Variants in TAMM41 observed in about 807,000 individuals in gnomAD.
The protein encoded by TAMM41 is phosphatidate cytidylyltransferase, mitochondrial.
In TAMM41, 36 loss-of-function variants were observed where a neutral mutation model predicts 44.1. That is an observed-to-expected ratio of 0.82 (90% CI 0.63 to 1.08). The LOEUF (loss-of-function observed/expected upper bound fraction) is 1.08. TAMM41 is among the 50% of genes least tolerant of loss of function. TAMM41 has a pLI of 0.00. For missense variants in TAMM41, 417 were observed against 404.3 expected (o/e 1.03, Z -0.27); for synonymous variants, 164 against 153.1 (o/e 1.07, Z -0.53).
Position 11,829,008 on chromosome 3 carries a change from T to C in TAMM41, c.562+706A>G, listed in dbSNP as rs146154940. The stretch of plus-strand genomic sequence containing the variant: ...TGAAATCTTAAACGGAACCTTACTA[T>C]AGTAAAAAGATAGATGGGGGCTCCT... On this transcript the variant is annotated intron_variant, in intron 4 of 7. Coordinates refer to ENST00000455809, the MANE Select transcript of TAMM41 (RefSeq NM_001284401.2). 4.9e-3 allele frequency among the ~76,000 whole-genome samples: 745 copies of C among 152,244 alleles called. 9 individuals are homozygous for C. The highest frequency in any genetic ancestry group is 7.2e-3 in the Non-Finnish European group (489 of 68,008).
At chr3:11,841,009 A>C (rs2125063192) in intron 2 of TAMM41, among the ~76,000 whole-genome samples, 1 of 152,212 alleles carries the variant, frequency 6.6e-6, no homozygotes, top group East Asian at 1.9e-4. Flanking sequence ...ATTACAAAGC[A>C]ATATCCAAAA....
At chr3:11,749,227 A>G in the TAMM41 span, among the ~76,000 whole-genome samples, 6 of 152,040 alleles carry the variant, frequency 3.9e-5, no homozygotes, top group African/African-American at 1.2e-4. Context: ...ATGGATTTTT[A>G]TTGCACTCGT....
the TAMM41 span, among the ~76,000 whole-genome samples, chr3:11,783,720 TG>T: frequency 6.6e-6 from 1 of 152,204 alleles, no homozygotes; most frequent in Non-Finnish European, 1.5e-5. Flanking sequence ...TGTGCTTAGC[TG>T]TGGTATGGTA....
chr3:11,809,513 G>C lies in TAMM41; in HGVS notation c.874+4C>G. 1 of 1,612,956 alleles carries C rather than the reference G, an allele frequency of 6.2e-7. No homozygotes were observed. The highest frequency in any genetic ancestry group is 2.2e-5 in the East Asian group (1 of 44,848). ...TTTCCTCAACATCAAATTCATAAAC[G>C]TACCTAGTCGCACCACATCTCCACA... On this transcript the variant is annotated splice_donor_region_variant and intron_variant, in intron 6 of 7. Transcript: ENST00000455809.
the TAMM41 span, among the ~76,000 whole-genome samples, chr3:11,775,111 C>T: frequency 2.0e-5 from 3 of 152,068 alleles, no homozygotes; most frequent in African/African-American, 4.8e-5. Flanking sequence ...TCGTGATCCA[C>T]CCCCTCAGCC....
At chr3:11,725,366 CTCCTCCTCCTCTTCCTCCTCCTTCTTT>C in the TAMM41 span, among the ~76,000 whole-genome samples, 1 of 140,472 alleles carries the variant, frequency 7.1e-6, no homozygotes, top group African/African-American at 2.7e-5. Context: ...TTTTCTTCTT[CTCCTCCTCCTCTTCCTCCTCCTTCTTT>C]TTCTTCTTCC....
the TAMM41 span, among the ~76,000 whole-genome samples, chr3:11,731,726 A>G: frequency 6.6e-6 from 1 of 152,138 alleles, no homozygotes; most frequent in Non-Finnish European, 1.5e-5. Flanking sequence ...GGCAGTGGAT[A>G]ATGTCATTTC....
the TAMM41 span, among the ~76,000 whole-genome samples, chr3:11,736,592 G>A: frequency 0.026 from 4,018 of 152,244 alleles, 176 homozygotes; most frequent in African/African-American, 0.092. Flanking sequence ...CAAGGATGGC[G>A]TCTGGGTCTT....
intron 7 of TAMM41, among the ~76,000 whole-genome samples, chr3:11,803,595 T>TCAAAAA (rs569889753): frequency 6.6e-6 from 1 of 151,744 alleles, no homozygotes; most frequent in Non-Finnish European, 1.5e-5. Context: ...AATCATTATA[T>TCAAAAA]CAAAAACAAA....
the TAMM41 span, among the ~76,000 whole-genome samples, chr3:11,743,516 C>T: frequency 6.6e-6 from 1 of 151,584 alleles, no homozygotes; most frequent in African/African-American, 2.4e-5. Context: ...GTATTTTTAG[C>T]GGAGACGGGT....
chr3:11,730,430 A>G, the TAMM41 span, among the ~76,000 whole-genome samples: 4 of 150,380 alleles, frequency 2.7e-5, no homozygotes, highest in Admixed American at 6.6e-5. Flanking sequence ...AAAAAAAAAA[A>G]AAAGAAAAAG....
downstream of TAMM41, among the ~76,000 whole-genome samples, chr3:11,790,019 A>G (rs1421332554): frequency 6.6e-6 from 1 of 152,124 alleles, no homozygotes; most frequent in Non-Finnish European, 1.5e-5. Context: ...ACTGCCATAC[A>G]CTTTAGTGGA....
rs778397064 is a variant in TAMM41, at chr3:11,807,397, G to A, written c.937+436C>T. 11 of 1,523,482 alleles carry A rather than the reference G, an allele frequency of 7.2e-6. No homozygotes were observed. The East Asian group carries it at 2.4e-4, about 34-fold the overall frequency. The allele number at this position is 1,523,482 out of a possible 1,614,324, so 94.4% of individuals were successfully genotyped here. A position where few individuals can be genotyped will look rare whatever the true frequency, so the allele number is the denominator to read the frequency against. On this transcript the variant is annotated intron_variant, in intron 7 of 7. Transcript: ENST00000455809. ...ATACCTAAAGTTGAAACGTAGAGAA[G>A]GAGCAACGAAAACTTACCATTTAGA...
At chr3:11,836,803 A>G (rs1012036307) in intron 3 of TAMM41, among the ~76,000 whole-genome samples, 1 of 152,246 alleles carries the variant, frequency 6.6e-6, no homozygotes, top group African/African-American at 2.4e-5. Flanking sequence ...AAAACAAAAA[A>G]CAAAACAAAA....
chr3:11,743,320 A>C, the TAMM41 span, among the ~76,000 whole-genome samples: 1 of 146,770 alleles, frequency 6.8e-6, no homozygotes, highest in Non-Finnish European at 1.5e-5. Flanking sequence ...AGAGATGTAA[A>C]CTACCTAATA....
chr3:11,846,503 T>A lies in TAMM41; in HGVS notation c.134A>T (p.Lys45Met). The A allele has an allele frequency of 6.2e-7, 1 of 1,614,154 alleles. No individual in the cohort carries two copies. Among genetic ancestry groups the A allele is most frequent in the Non-Finnish European group, 8.5e-7 (1 of 1,180,006 alleles). ...CGTCGTGGGGCTGCCCGGGCTCACC[T>A]TCTGGTCTGAACTCGGCCCTGCCTG... is the stretch of plus-strand genomic sequence containing the variant. ...YRQAGPSSDQKNAMLDFVFTV... is the reference protein window; with the variant it reads ...YRQAGPSSDQMNAMLDFVFTV... Residue 45 changes from lysine (K) to methionine (M), a missense_variant and splice_region_variant, in exon 1 of 8, where the codon AAG becomes ATG. Lys to Met is a moderately conservative substitution (Grantham distance 95). Coordinates refer to ENST00000455809, the MANE Select transcript of TAMM41 (RefSeq NM_001284401.2).
chr3:11,845,135 A>T, intron 1 of TAMM41: 1 of 368,038 alleles, frequency 2.7e-6, no homozygotes, highest in Non-Finnish European at 5.4e-6. Context: ...AGATGAGATC[A>T]GAGAGGGAGG....
intron 7 of TAMM41, among the ~76,000 whole-genome samples, chr3:11,802,490 T>C (rs749118191): frequency 5.9e-5 from 9 of 152,134 alleles, no homozygotes; most frequent in South Asian, 2.1e-4. Flanking sequence ...ATCTTCAAGA[T>C]TGAACCAGGA....
intron 2 of TAMM41, among the ~76,000 whole-genome samples, chr3:11,839,917 T>C (rs1395635297): frequency 1.3e-5 from 2 of 152,172 alleles, no homozygotes; most frequent in African/African-American, 4.8e-5. Context: ...ATCACTACTG[T>C]AGAACCTAAG....
Sources: allele counts gnomAD v4.1 joint callset (sites outside exome capture counted in the v4.1 genomes callset), GRCh38; gene constraint gnomAD v4.1.1; transcripts MANE v1.5; gene names NCBI Gene and HGNC (gene_info 2026-07-23, HGNC 2026-07-21).